The following TNS3 variants were observed in gnomAD, a reference collection of about 807,000 sequenced individuals.
TNS3 encodes tensin 3, also known as tensin-3.
A neutral mutation model predicts 140.9 loss-of-function variants in TNS3; 45 were observed. That is an observed-to-expected ratio of 0.32 (90% CI 0.25 to 0.41). The LOEUF (loss-of-function observed/expected upper bound fraction) is 0.41. TNS3 is among the 10% of genes least tolerant of loss of function. The pLI is 1.00. For missense variants in TNS3, 1,716 were observed against 1,906.7 expected (o/e 0.90, Z 1.86); for synonymous variants, 815 against 788.4 (o/e 1.03, Z -0.56).
intron 6 of TNS3, among the ~76,000 whole-genome samples, chr7:47,438,697 G>A (rs1013844288): frequency 2.0e-5 from 3 of 152,180 alleles, no homozygotes; most frequent in Non-Finnish European, 4.4e-5. Flanking sequence ...ATCCTACTCT[G>A]CCACTTGGGT....
intron 13 of TNS3, among the ~76,000 whole-genome samples, chr7:47,408,447 G>A (rs1291643476): frequency 2.6e-5 from 4 of 152,118 alleles, no homozygotes; most frequent in Non-Finnish European, 5.9e-5. Context: ...AGCACCATGG[G>A]GAGAGGGCCT....
At chr7:47,371,996 C>T (rs1026998538) in intron 16 of TNS3, among the ~76,000 whole-genome samples, 2 of 152,184 alleles carry the variant, frequency 1.3e-5, no homozygotes, top group Non-Finnish European at 2.9e-5. Flanking sequence ...CTTTATAGGC[C>T]CTGAGTAAAC....
At chr7:47,428,290 C>G (rs370154054) in intron 9 of TNS3, 22 bp downstream of exon 9, 3 of 1,405,090 alleles carry the variant, frequency 2.1e-6, no homozygotes, top group Non-Finnish European at 2.8e-6. Context: ...CTCAAGACAG[C>G]GAGCTGACAT....
chr7:47,298,739 G>C, intron 23 of TNS3, among the ~76,000 whole-genome samples: 1 of 152,234 alleles, frequency 6.6e-6, no homozygotes, highest in Admixed American at 6.5e-5. Context: ...CATGCCCCCA[G>C]GCCTGACCGG....
chr7:47,564,000 T>C (rs1308632422), intron 1 of TNS3, among the ~76,000 whole-genome samples: 1 of 151,576 alleles, frequency 6.6e-6, no homozygotes, highest in Non-Finnish European at 1.5e-5. Flanking sequence ...AAGACCTTCC[T>C]GGCTAACACA....
In TNS3 at chr7:47,437,292, T is replaced by C. The variant is rs1352873518; in HGVS notation, c.172A>G (p.Arg58Gly). ...NYLVLNLSEK[R>G]YDLTKLNPKI... ...GGGTTAAGCTTCGTAAGGTCATATC[T>C]CTTTTCTGAAAGGTTTAATACCTAT... Residue 58 changes from arginine to glycine, a missense_variant, in exon 7 of 31, where the codon AGA becomes GGA. Arg to Gly is a moderately radical substitution (Grantham distance 125). Coordinates refer to ENST00000311160, the MANE Select transcript of TNS3 (RefSeq NM_022748.12). 1 of 1,549,656 alleles carries C rather than the reference T, an allele frequency of 6.5e-7. No individual in the cohort carries two copies. Among genetic ancestry groups the C allele is most frequent in the Non-Finnish European group, 8.7e-7 (1 of 1,154,954 alleles).
At chr7:47,501,268 T>C (rs963104409) in intron 3 of TNS3, among the ~76,000 whole-genome samples, 24 of 151,860 alleles carry the variant, frequency 1.6e-4, no homozygotes, top group Middle Eastern at 3.4e-3. Flanking sequence ...TACTAGCAAA[T>C]TCAGATCATT....
At chr7:47,474,252 C>T (rs1313318974) in intron 4 of TNS3, among the ~76,000 whole-genome samples, 4 of 147,208 alleles carry the variant, frequency 2.7e-5, no homozygotes, top group Non-Finnish European at 3.0e-5. Flanking sequence ...AAACAATACA[C>T]ATCACATACA....
At chr7:47,305,549 C>T (rs1002263065) in intron 20 of TNS3, among the ~76,000 whole-genome samples, 6 of 152,368 alleles carry the variant, frequency 3.9e-5, no homozygotes, top group Non-Finnish European at 7.3e-5. Context: ...GGGCCATCAA[C>T]ATCGAGCACT....
chr7:47,438,164 C>G (rs1320704774), intron 6 of TNS3, among the ~76,000 whole-genome samples: 3 of 152,222 alleles, frequency 2.0e-5, no homozygotes, highest in Non-Finnish European at 4.4e-5. Context: ...GGGGCTTGTC[C>G]TGGTCACCCA....
At chr7:47,292,760 C>T in intron 26 of TNS3, 68 bp downstream of exon 26, 1 of 1,387,734 alleles carries the variant, frequency 7.2e-7, no homozygotes, top group Non-Finnish European at 1.0e-6. Context: ...CTTCATGGAT[C>T]TCTAAAACCG....
intron 24 of TNS3, 115 bp from the exon 25 acceptor site, chr7:47,293,943 C>T (rs1408668466): frequency 4.4e-6 from 4 of 910,846 alleles, no homozygotes; most frequent in African/African-American, 3.3e-5. Flanking sequence ...TCTCTGAATA[C>T]GAGTCCAGTC....
At chr7:47,298,457 CT>C (rs1183904244) in intron 23 of TNS3, among the ~76,000 whole-genome samples, 1 of 152,250 alleles carries the variant, frequency 6.6e-6, no homozygotes, top group Non-Finnish European at 1.5e-5. Context: ...CAACTCGATA[CT>C]GCCCAGACAA....
At chr7:47,549,470 G>A (rs558548909) in intron 1 of TNS3, among the ~76,000 whole-genome samples, 170 of 152,150 alleles carry the variant, frequency 1.1e-3, no homozygotes, top group African/African-American at 3.9e-3. Flanking sequence ...ACTCCAGCCC[G>A]GCAACAGAGG....
At chr7:47,516,051 G>T (rs334528) in intron 2 of TNS3, among the ~76,000 whole-genome samples, 97,451 of 152,108 alleles carry the variant, frequency 0.64, 31,739 homozygotes, top group East Asian at 0.7. Flanking sequence ...GATGCATGAT[G>T]ACTTACATAA....
At chr7:47,433,528 T>A (rs1215813874) in intron 8 of TNS3, among the ~76,000 whole-genome samples, 1 of 152,230 alleles carries the variant, frequency 6.6e-6, no homozygotes, top group Admixed American at 6.5e-5. Context: ...CCATATGTTT[T>A]AAATAATCTC....
chr7:47,473,801 T>G (rs1469432123), intron 4 of TNS3, among the ~76,000 whole-genome samples: 1 of 152,150 alleles, frequency 6.6e-6, no homozygotes, highest in Non-Finnish European at 1.5e-5. Flanking sequence ...ACCCAGTAAT[T>G]TACAGGTGGA....
At chr7:47,396,042 A>G (rs1792810511) in intron 16 of TNS3, among the ~76,000 whole-genome samples, 1 of 152,228 alleles carries the variant, frequency 6.6e-6, no homozygotes, top group African/African-American at 2.4e-5. Context: ...GCTTTTAGCT[A>G]TTTTACATCT....
At chr7:47,322,193 T>C (rs1584397412) in intron 20 of TNS3, among the ~76,000 whole-genome samples, 3 of 119,490 alleles carry the variant, frequency 2.5e-5, no homozygotes, top group African/African-American at 1.0e-4. Flanking sequence ...GGAAAGCACA[T>C]GAGAGTGAAG....
Sources: gnomAD v4.1 joint callset for allele counts (sites outside exome capture counted in the v4.1 genomes callset) on GRCh38, gnomAD v4.1.1 for gene constraint, MANE v1.5 for transcripts, NCBI Gene and HGNC (gene_info 2026-07-23, HGNC 2026-07-21) for gene names.